HMGB1: variants seen among roughly 807,000 people sequenced by gnomAD.
The protein encoded by HMGB1 is high mobility group box 1.
For synonymous variants in HMGB1, 81 were observed against 84.0 expected, an observed-to-expected ratio of 0.96 and a Z score of 0.19; for missense variants, 79 against 253.5, an observed-to-expected ratio of 0.31 and a Z score of 4.67.
intron 1 of HMGB1, among the ~76,000 whole-genome samples, chr13:30,567,452 C>A (rs1363939013): frequency 6.6e-6 from 1 of 151,386 alleles, no homozygotes; most frequent in East Asian, 1.9e-4. Context: ...CTGGTTCAAG[C>A]AATTCTCCTG....
exon 1 of HMGB1, chr13:30,617,386 G>A (rs1239237955): frequency 1.3e-5 from 2 of 152,256 alleles, no homozygotes; most frequent in East Asian, 1.9e-4. Flanking sequence ...GAGGCTTTGG[G>A]AGAGCGGACT....
At position 30,611,222 on chromosome 13, in the gene HMGB1, G is replaced by C. The variant is rs541678835; in HGVS notation, c.-15+5449C>G. 7.9e-5 allele frequency among the ~76,000 whole-genome samples: 12 copies of C among 152,202 alleles called. No homozygotes were observed. The South Asian group carries it at 1.7e-3, about 21-fold the overall frequency. ...TGCTTTTTTTTTGAGACGCAGTCTC[G>C]CTTTATTGCCCAGGCTGGAGTGCAG... On this transcript the variant is annotated intron_variant, in intron 1 of 4. Transcript: ENST00000405805.
intron 1 of HMGB1, among the ~76,000 whole-genome samples, chr13:30,600,752 A>G (rs1950390557): frequency 6.6e-6 from 1 of 152,206 alleles, no homozygotes; most frequent in Non-Finnish European, 1.5e-5. Context: ...CAAATATTTC[A>G]AAATCTGAAA....
At chr13:30,566,553 A>T (rs1018533867) in intron 1 of HMGB1, among the ~76,000 whole-genome samples, 1 of 152,224 alleles carries the variant, frequency 6.6e-6, no homozygotes. Context: ...TAAAGATGTA[A>T]CAACCATTTT....
At chr13:30,527,919 G>A (rs1033943775) in intron 1 of HMGB1, among the ~76,000 whole-genome samples, 1 of 152,058 alleles carries the variant, frequency 6.6e-6, no homozygotes, top group African/African-American at 2.4e-5. Flanking sequence ...CTGCTGCCCT[G>A]TCTCTTTTAA....
At chr13:30,576,817 C>T (rs1380429516) in intron 1 of HMGB1, among the ~76,000 whole-genome samples, 2 of 152,120 alleles carry the variant, frequency 1.3e-5, no homozygotes, top group Non-Finnish European at 2.9e-5. Context: ...TCATCCTAAA[C>T]TCCTCCTTCC....
At chr13:30,611,615 C>T (rs1264743487) in intron 1 of HMGB1, among the ~76,000 whole-genome samples, 1 of 152,020 alleles carries the variant, frequency 6.6e-6, no homozygotes, top group Non-Finnish European at 1.5e-5. Flanking sequence ...CAAAACATTG[C>T]CTGTACAACT....
intron 1 of HMGB1, among the ~76,000 whole-genome samples, chr13:30,597,052 T>C (rs1871645625): frequency 6.6e-6 from 1 of 152,210 alleles, no homozygotes; most frequent in Admixed American, 6.5e-5. Flanking sequence ...TGTTCTTCTC[T>C]GTAAAACAAA....
intron 1 of HMGB1, among the ~76,000 whole-genome samples, chr13:30,597,440 C>T (rs1033396679): frequency 1.3e-5 from 2 of 152,124 alleles, no homozygotes; most frequent in African/African-American, 4.8e-5. Flanking sequence ...TCTTCAGAAC[C>T]GTAAGAAAAT....
intron 1 of HMGB1, among the ~76,000 whole-genome samples, chr13:30,578,571 C>T (rs541871942): frequency 1.3e-4 from 20 of 152,088 alleles, no homozygotes; most frequent in Non-Finnish European, 2.4e-4. Context: ...TCTAATCTCT[C>T]TTTTCTTCAC....
chr13:30,542,701 A>G, intron 1 of HMGB1: 1 of 207,098 alleles, frequency 4.8e-6, no homozygotes, highest in South Asian at 7.9e-5. Context: ...TGGATTTCCC[A>G]ATGAATGAAA....
chr13:30,476,359 G>A (rs952685107), intron 1 of HMGB1, among the ~76,000 whole-genome samples: 2 of 151,600 alleles, frequency 1.3e-5, no homozygotes, highest in Non-Finnish European at 2.9e-5. Flanking sequence ...GACTGGTCTC[G>A]AACTCCTGAC....
At chr13:30,611,629 T>C (rs1950513764) in intron 1 of HMGB1, among the ~76,000 whole-genome samples, 1 of 152,196 alleles carries the variant, frequency 6.6e-6, no homozygotes, top group African/African-American at 2.4e-5. Flanking sequence ...TACAACTCTA[T>C]TTAGCACTTA....
chr13:30,544,386 C>T (rs898873596), intron 1 of HMGB1, among the ~76,000 whole-genome samples: 1 of 152,164 alleles, frequency 6.6e-6, no homozygotes, highest in Non-Finnish European at 1.5e-5. Flanking sequence ...GAGGCTGGCA[C>T]CAGAAAGAAC....
chr13:30,543,569 G>C (rs1161591657), intron 1 of HMGB1: 1 of 152,262 alleles, frequency 6.6e-6, no homozygotes, highest in East Asian at 1.9e-4. Flanking sequence ...GGCCCATCCA[G>C]GAGAGTACTC....
intron 1 of HMGB1, among the ~76,000 whole-genome samples, chr13:30,535,072 A>G (rs1359516378): frequency 1.3e-5 from 2 of 152,170 alleles, no homozygotes; most frequent in Non-Finnish European, 2.9e-5. Flanking sequence ...GTATTAGATT[A>G]TTTGTTAATC....
chr13:30,526,115 A>G (rs1888360860), intron 1 of HMGB1, among the ~76,000 whole-genome samples: 1 of 152,172 alleles, frequency 6.6e-6, no homozygotes, highest in Non-Finnish European at 1.5e-5. Flanking sequence ...GGAAGGCAGT[A>G]GCATGATATT....
At chr13:30,526,951 C>A (rs964555749) in intron 1 of HMGB1, among the ~76,000 whole-genome samples, 3 of 152,262 alleles carry the variant, frequency 2.0e-5, no homozygotes, top group Admixed American at 1.3e-4. Flanking sequence ...TCATTCCTAA[C>A]CGCAGTGTTT....
chr13:30,578,818 TC>T, intron 1 of HMGB1, among the ~76,000 whole-genome samples: 1 of 152,212 alleles, frequency 6.6e-6, no homozygotes, highest in East Asian at 1.9e-4. Flanking sequence ...CTTTCAAACC[TC>T]CCTGACTTTG....
Sources: gnomAD v4.1 joint callset for allele counts (sites outside exome capture counted in the v4.1 genomes callset) on GRCh38, gnomAD v4.1.1 for gene constraint, MANE v1.5 for transcripts, NCBI Gene and HGNC (gene_info 2026-07-23, HGNC 2026-07-21) for gene names.